The following FAM135B variants were observed in gnomAD, a reference collection of about 807,000 sequenced individuals.
FAM135B encodes the protein family with sequence similarity 135 member B.
Under a neutral mutation model 127.7 loss-of-function variants are expected in FAM135B, and 43 were observed. That is an observed-to-expected ratio of 0.34 (90% CI 0.26 to 0.43). The LOEUF (loss-of-function observed/expected upper bound fraction) is 0.43. Ranked by LOEUF, FAM135B falls within the 20% of genes least tolerant of loss-of-function variation. FAM135B has a pLI of 1.00. For synonymous variants in FAM135B, 670 were observed against 665.1 expected, an observed-to-expected ratio of 1.01 and a Z score of -0.11; for missense variants, 1,558 against 1,725.6, an observed-to-expected ratio of 0.90 and a Z score of 1.72.
rs183300702 is a variant in FAM135B at position 138,419,175 on chromosome 8, C to T, written c.-19-51173G>A. Reference sequence around the variant, plus strand: ...AATGGAGAAAGATCTATCAAGCAAACAGAAAACAACAGAAAAGAGCAGAGG... The same window carrying T: ...AATGGAGAAAGATCTATCAAGCAAATAGAAAACAACAGAAAAGAGCAGAGG... On this transcript the variant is annotated intron_variant, in intron 1 of 19. Transcript: ENST00000395297. Among the ~76,000 whole-genome samples, 6 of 152,054 alleles carry T rather than the reference C, an allele frequency of 3.9e-5. No homozygotes were observed. The East Asian group carries it at 1.2e-3, about 29-fold the overall frequency.
intron 11 of FAM135B, among the ~76,000 whole-genome samples, chr8:138,176,744 T>G (rs917505071): frequency 2.6e-5 from 4 of 152,140 alleles, no homozygotes; most frequent in African/African-American, 9.7e-5. Context: ...AACGTATCAT[T>G]TGGAAGCAAA....
chr8:138,147,409 T>A (rs1817743335), intron 14 of FAM135B, among the ~76,000 whole-genome samples: 1 of 152,196 alleles, frequency 6.6e-6, no homozygotes, highest in African/African-American at 2.4e-5. Context: ...TCAGAAAATA[T>A]GATTTAATAA....
At chr8:138,417,237 T>C (rs75283057) in intron 1 of FAM135B, among the ~76,000 whole-genome samples, 3,195 of 152,276 alleles carry the variant, frequency 0.021, 120 homozygotes, top group African/African-American at 0.072. Flanking sequence ...CCTCATCTGC[T>C]GGCTTATCCC....
chr8:138,172,580 C>A (rs1031341391), intron 11 of FAM135B, among the ~76,000 whole-genome samples: 4 of 152,212 alleles, frequency 2.6e-5, no homozygotes, highest in African/African-American at 4.8e-5. Context: ...TGCTTATCTG[C>A]AAATTTATTT....
chr8:138,458,456 G>A (rs1341916346), intron 1 of FAM135B, among the ~76,000 whole-genome samples: 2 of 152,178 alleles, frequency 1.3e-5, no homozygotes, highest in Admixed American at 6.5e-5. Flanking sequence ...GAAATAAGAT[G>A]GTCAAGGTTG....
intron 1 of FAM135B, among the ~76,000 whole-genome samples, chr8:138,453,431 A>C (rs558772722): frequency 7.9e-5 from 12 of 152,194 alleles, no homozygotes; most frequent in African/African-American, 2.9e-4. Flanking sequence ...GTGACAAAAA[A>C]AAAAAAAAAA....
intron 1 of FAM135B, among the ~76,000 whole-genome samples, chr8:138,452,581 A>G (rs1379105190): frequency 6.6e-6 from 1 of 152,158 alleles, no homozygotes; most frequent in African/African-American, 2.4e-5. Context: ...CTACACTGTA[A>G]TAATTATCTA....
At chr8:138,338,973 A>C (rs1828828290) in intron 2 of FAM135B, among the ~76,000 whole-genome samples, 2 of 152,128 alleles carry the variant, frequency 1.3e-5, no homozygotes, top group Non-Finnish European at 2.9e-5. Context: ...ACATGGATGA[A>C]GCTGGAAACC....
intron 11 of FAM135B, 69 bp downstream of exon 11, chr8:138,177,278 A>T: frequency 1.4e-6 from 2 of 1,411,500 alleles, no homozygotes; most frequent in South Asian, 1.2e-5. Context: ...GAAAGTGAAG[A>T]GTAACTTTGA....
At chr8:138,367,586 C>T (rs754157207) in intron 2 of FAM135B, among the ~76,000 whole-genome samples, 64 of 152,038 alleles carry the variant, frequency 4.2e-4, no homozygotes, top group Non-Finnish European at 4.9e-4. Flanking sequence ...GCTACACAGG[C>T]AAGCTTCATT....
chr8:138,440,586 A>G (rs899281787), intron 1 of FAM135B: 1 of 152,070 alleles, frequency 6.6e-6, no homozygotes, highest in Non-Finnish European at 1.5e-5. Context: ...CATTGCTATC[A>G]TTACAAGATA....
intron 13 of FAM135B, among the ~76,000 whole-genome samples, chr8:138,150,731 A>G (rs1228650182): frequency 6.6e-6 from 1 of 152,166 alleles, no homozygotes; most frequent in Non-Finnish European, 1.5e-5. Flanking sequence ...GTTCATTTGT[A>G]AAGAATTTGG....
rs572569130 is a variant in FAM135B at position 138,471,188 on chromosome 8, C to G, written c.-20+25483G>C. Among the ~76,000 whole-genome samples, 110 of 151,794 alleles carry G rather than the reference C, an allele frequency of 7.2e-4. 2 individuals are homozygous for G. The South Asian group carries it at 0.012, about 16-fold the overall frequency. On this transcript the variant is annotated intron_variant, in intron 1 of 19. Coordinates refer to ENST00000395297, the MANE Select transcript of FAM135B (RefSeq NM_015912.4). ...GAGATTTGGGGCAGAGTGTGGCTGG[C>G]AACACATTATCATGCACACAGACAA...
intron 1 of FAM135B, among the ~76,000 whole-genome samples, chr8:138,469,054 GAGAGACAGAA>G (rs36210510): frequency 0.43 from 64,399 of 150,584 alleles, 15,720 homozygotes; most frequent in East Asian, 0.76. Flanking sequence ...GAAAGAGAAA[GAGAGACAGAA>G]AGAGAGAGAA....
intron 1 of FAM135B, among the ~76,000 whole-genome samples, chr8:138,489,349 G>A (rs1815114792): frequency 2.0e-5 from 3 of 152,106 alleles, no homozygotes; most frequent in Admixed American, 2.0e-4. Context: ...CTTGGACCCT[G>A]TATGTCAAGA....
chr8:138,405,576 GT>G (rs1265128483), intron 1 of FAM135B, among the ~76,000 whole-genome samples: 1 of 151,862 alleles, frequency 6.6e-6, no homozygotes, highest in Non-Finnish European at 1.5e-5. Flanking sequence ...GTATTCCATG[GT>G]GTATATGTGC....
intron 1 of FAM135B, among the ~76,000 whole-genome samples, chr8:138,432,841 T>A (rs1009469491): frequency 6.6e-6 from 1 of 152,090 alleles, no homozygotes; most frequent in African/African-American, 2.4e-5. Flanking sequence ...TATAGATCCA[T>A]GGCTCAGCTT....
chr8:138,221,805 T>A (rs559969593), intron 7 of FAM135B, among the ~76,000 whole-genome samples: 3 of 152,158 alleles, frequency 2.0e-5, no homozygotes, highest in African/African-American at 7.2e-5. Context: ...CTTAACCACA[T>A]CCAATTACAA....
At chr8:138,354,629 T>C (rs188284861) in intron 2 of FAM135B, among the ~76,000 whole-genome samples, 5 of 152,272 alleles carry the variant, frequency 3.3e-5, no homozygotes, top group Non-Finnish European at 7.4e-5. Flanking sequence ...AGTTCACAAT[T>C]GTGTCTTTCT....
Sources: allele counts gnomAD v4.1 joint callset (sites outside exome capture counted in the v4.1 genomes callset), GRCh38; gene constraint gnomAD v4.1.1; transcripts MANE v1.5; gene names NCBI Gene and HGNC (gene_info 2026-07-23, HGNC 2026-07-21).